C12orf42: variants seen among roughly 807,000 people sequenced by gnomAD.
The protein encoded by C12orf42 is chromosome 12 open reading frame 42, also known as uncharacterized protein C12orf42.
In C12orf42, 25 loss-of-function variants were observed where a neutral mutation model predicts 21.6. That is an observed-to-expected ratio of 1.16 (90% CI 0.84 to 1.62). The LOEUF (loss-of-function observed/expected upper bound fraction) is 1.62, where lower values mean the gene tolerates loss of function less well. Ranked by LOEUF, C12orf42 falls within the 40% of genes most tolerant of loss-of-function variation. The pLI is 0.00. For synonymous variants in C12orf42, 174 were observed against 175.0 expected (o/e 0.99, Z 0.05); for missense variants, 483 against 459.3 (o/e 1.05, Z -0.47).
chr12:103,228,825 G>A, the C12orf42 span, among the ~76,000 whole-genome samples: 5 of 150,876 alleles, frequency 3.3e-5, no homozygotes, highest in Non-Finnish European at 5.9e-5. Context: ...ATATAATAAT[G>A]ATCTCACCCT....
At chr12:103,266,527 G>T (rs1381112140), downstream of C12orf42, among the ~76,000 whole-genome samples, 3 of 152,088 alleles carry the variant, frequency 2.0e-5, no homozygotes, top group East Asian at 1.9e-4. Context: ...AGAATTAAAA[G>T]AAATAGAAAA....
intron 4 of C12orf42, among the ~76,000 whole-genome samples, chr12:103,278,782 C>A (rs184322959): frequency 6.6e-6 from 1 of 152,226 alleles, no homozygotes; most frequent in Non-Finnish European, 1.5e-5. Context: ...AATCTAATAG[C>A]GATTCCTCCA....
the C12orf42 span, among the ~76,000 whole-genome samples, chr12:103,135,811 T>C: frequency 2.6e-5 from 4 of 152,324 alleles, no homozygotes; most frequent in South Asian, 2.1e-4. Context: ...AAAGAACGTA[T>C]GGTTATTGCA....
chr12:103,457,800 G>A (rs902013649), intron 2 of C12orf42, among the ~76,000 whole-genome samples: 2 of 152,114 alleles, frequency 1.3e-5, no homozygotes, highest in African/African-American at 2.4e-5. Flanking sequence ...GGGAGTCAAA[G>A]CACAAGTAAA....
At chr12:103,293,779 A>C (rs1458312214) in intron 4 of C12orf42, among the ~76,000 whole-genome samples, 1 of 152,190 alleles carries the variant, frequency 6.6e-6, no homozygotes, top group Non-Finnish European at 1.5e-5. Flanking sequence ...TCTTCATTGA[A>C]ATACAGGAGT....
intron 4 of C12orf42, among the ~76,000 whole-genome samples, chr12:103,333,438 T>A (rs1250969016): frequency 3.3e-5 from 5 of 152,206 alleles, no homozygotes; most frequent in Admixed American, 6.5e-5. Flanking sequence ...TTAATTCACA[T>A]AACAAGGAAC....
At chr12:103,200,931 A>C in the C12orf42 span, among the ~76,000 whole-genome samples, 1 of 152,286 alleles carries the variant, frequency 6.6e-6, no homozygotes, top group East Asian at 1.9e-4. Flanking sequence ...GTATCATAAA[A>C]ATCTGTGCTT....
chr12:103,363,088 C>T (rs2044259380), intron 4 of C12orf42, among the ~76,000 whole-genome samples: 1 of 152,020 alleles, frequency 6.6e-6, no homozygotes, highest in Non-Finnish European at 1.5e-5. Flanking sequence ...ATCATAAGAG[C>T]CATGAGGCAA....
the C12orf42 span, chr12:103,168,231 T>C: frequency 2.7e-6 from 1 of 375,830 alleles, no homozygotes; most frequent in Admixed American, 3.5e-5. Context: ...TTATATTCAA[T>C]GTACTCAATT....
At chr12:103,437,981 G>C (rs1041787319) in intron 2 of C12orf42, among the ~76,000 whole-genome samples, 2 of 150,610 alleles carry the variant, frequency 1.3e-5, no homozygotes, top group Non-Finnish European at 3.0e-5. Context: ...CAATATCCCT[G>C]ATGAGCATCG....
the C12orf42 span, among the ~76,000 whole-genome samples, chr12:103,106,376 A>T: frequency 6.6e-6 from 1 of 152,238 alleles, no homozygotes; most frequent in South Asian, 2.1e-4. Flanking sequence ...TGGTGAAAAA[A>T]TAAAATAATG....
At chr12:103,546,870 T>C in the C12orf42 span, among the ~76,000 whole-genome samples, 1 of 152,294 alleles carries the variant, frequency 6.6e-6, no homozygotes, top group East Asian at 1.9e-4. Flanking sequence ...AAAAGGAACA[T>C]CTTTGTCTCC....
chr12:103,210,095 A>T, the C12orf42 span, among the ~76,000 whole-genome samples: 1 of 150,500 alleles, frequency 6.6e-6, no homozygotes, highest in Non-Finnish European at 1.5e-5. Context: ...AATTTTAGAC[A>T]TTTTCTATTG....
the C12orf42 span, among the ~76,000 whole-genome samples, chr12:103,216,740 T>C: frequency 1.6e-4 from 25 of 152,100 alleles, no homozygotes; most frequent in African/African-American, 5.6e-4. Context: ...TTTGGTCCCA[T>C]TTTTCAGATG....
the C12orf42 span, among the ~76,000 whole-genome samples, chr12:103,164,923 A>G: frequency 6.6e-6 from 1 of 152,240 alleles, no homozygotes; most frequent in Admixed American, 6.5e-5. Context: ...AATGAAACCC[A>G]TGATACTTAG....
At chr12:103,279,851 T>G (rs769648926) in intron 4 of C12orf42, among the ~76,000 whole-genome samples, 13 of 152,142 alleles carry the variant, frequency 8.5e-5, no homozygotes, top group Non-Finnish European at 1.5e-4. Flanking sequence ...CAGACATAAG[T>G]TGTAATTATT....
At chr12:103,507,732 G>A in the C12orf42 span, among the ~76,000 whole-genome samples, 9 of 152,034 alleles carry the variant, frequency 5.9e-5, no homozygotes, top group African/African-American at 7.3e-5. Context: ...ATCGACACAC[G>A]TGGAATTAGC....
At chr12:103,184,055 T>C in the C12orf42 span, among the ~76,000 whole-genome samples, 1 of 152,268 alleles carries the variant, frequency 6.6e-6, no homozygotes, top group Admixed American at 6.5e-5. Context: ...TGCTAATATA[T>C]AATGTCTCAC....
chr12:103,281,338 T>C (rs903590857), intron 4 of C12orf42, among the ~76,000 whole-genome samples: 10 of 152,210 alleles, frequency 6.6e-5, no homozygotes, highest in African/African-American at 1.9e-4. Context: ...ATTTTTCTTC[T>C]ATGCTACTTT....
Sources: allele counts gnomAD v4.1 joint callset (sites outside exome capture counted in the v4.1 genomes callset), GRCh38; gene constraint gnomAD v4.1.1; transcripts MANE v1.5; gene names NCBI Gene and HGNC (gene_info 2026-07-23, HGNC 2026-07-21).